NPRL3: variants seen among roughly 807,000 people sequenced by gnomAD.
NPRL3 encodes the protein GATOR1 complex protein NPRL3.
In NPRL3, 23 loss-of-function variants were observed where a neutral mutation model predicts 57.2. The ratio of observed to expected loss-of-function variants is 0.40; its 90% CI spans 0.29 to 0.57. The LOEUF (loss-of-function observed/expected upper bound fraction) is 0.57. Ranked by LOEUF, NPRL3 falls within the 20% of genes least tolerant of loss-of-function variation. NPRL3 has a pLI of 0.42. For synonymous variants in NPRL3, 333 were observed against 321.1 expected, an observed-to-expected ratio of 1.04 and a Z score of -0.39; for missense variants, 691 against 767.1, an observed-to-expected ratio of 0.90 and a Z score of 1.17.
At chr16:109,072 G>A (rs1899663915) in intron 7 of NPRL3, among the ~76,000 whole-genome samples, 1 of 151,560 alleles carries the variant, frequency 6.6e-6, no homozygotes, top group South Asian at 2.1e-4. Context: ...AGGCTTAAGT[G>A]ACCCTCCCAC....
intron 7 of NPRL3, among the ~76,000 whole-genome samples, chr16:105,588 C>T (rs1899491215): frequency 6.6e-6 from 1 of 152,224 alleles, no homozygotes; most frequent in Admixed American, 6.5e-5. Context: ...CACCAAGTAC[C>T]ACCTACCCAG....
chr16:103,795 A>G (rs1239708429), intron 7 of NPRL3, among the ~76,000 whole-genome samples: 1 of 152,120 alleles, frequency 6.6e-6, no homozygotes, highest in African/African-American at 2.4e-5. Context: ...CCTGGCCAAC[A>G]TGGTGAAACC....
intron 2 of NPRL3, among the ~76,000 whole-genome samples, chr16:134,299 A>T (rs1301472706): frequency 6.6e-6 from 1 of 152,192 alleles, no homozygotes; most frequent in Non-Finnish European, 1.5e-5. Flanking sequence ...CAAAATAAAA[A>T]AAATTTAAAT....
intron 2 of NPRL3, among the ~76,000 whole-genome samples, chr16:134,496 G>C (rs1900961525): frequency 6.6e-6 from 1 of 152,076 alleles, no homozygotes; most frequent in Non-Finnish European, 1.5e-5. Context: ...TCAACATAAA[G>C]ATGCTTTTTC....
At chr16:103,504 A>G (rs1899400584) in intron 7 of NPRL3, among the ~76,000 whole-genome samples, 2 of 151,820 alleles carry the variant, frequency 1.3e-5, no homozygotes, top group Non-Finnish European at 2.9e-5. Flanking sequence ...ACACCACAGA[A>G]TCAGAATACG....
intron 2 of NPRL3, among the ~76,000 whole-genome samples, chr16:134,994 C>A (rs544776721): frequency 3.3e-5 from 5 of 152,236 alleles, no homozygotes; most frequent in African/African-American, 9.6e-5. Context: ...AGCCACCGCG[C>A]CCGGCCAAGT....
intron 12 of NPRL3, 139 bp downstream of exon 12, chr16:89,574 G>A (rs1191306240): frequency 6.5e-6 from 5 of 764,810 alleles, no homozygotes; most frequent in South Asian, 2.3e-5. Context: ...GTCTCCACGG[G>A]GGACACGAGG....
intron 3 of NPRL3, among the ~76,000 whole-genome samples, chr16:120,718 G>A (rs778634895): frequency 2.0e-5 from 3 of 152,246 alleles, no homozygotes; most frequent in African/African-American, 4.8e-5. Flanking sequence ...CCTGGGAAAC[G>A]CAGGACCCAC....
intron 3 of NPRL3, chr16:125,984 A>C (rs894988828): frequency 1.3e-5 from 2 of 152,228 alleles, no homozygotes; most frequent in African/African-American, 4.8e-5. Context: ...GCCTAGGCCC[A>C]AGTGCAGCCA....
intron 3 of NPRL3, among the ~76,000 whole-genome samples, chr16:129,253 A>G (rs1900682545): frequency 1.3e-5 from 2 of 152,150 alleles, no homozygotes; most frequent in African/African-American, 4.8e-5. Context: ...CTCTAAGCTG[A>G]TCTGTGGCAC....
At chr16:92,572 G>C (rs761146584) in intron 11 of NPRL3, 24 bp downstream of exon 11, 27 of 1,610,340 alleles carry the variant, frequency 1.7e-5, no homozygotes, top group Middle Eastern at 1.6e-4. Context: ...GCCACTCTGG[G>C]CTCCTTGAGC....
At chr16:131,915 T>C (rs181391542) in intron 2 of NPRL3, among the ~76,000 whole-genome samples, 217 of 152,300 alleles carry the variant, frequency 1.4e-3, no homozygotes, top group African/African-American at 5.0e-3. Context: ...ACTAAGTTTA[T>C]ATAATATTCG....
At chr16:89,304 G>GCCTGGGGACCGGGGA (rs973048237) in intron 12 of NPRL3, 2 of 263,132 alleles carry the variant, frequency 7.6e-6, no homozygotes, top group African/African-American at 4.4e-5. Flanking sequence ...CCTTCCCCAA[G>GCCTGGGGACCGGGGA]CCTGGGGACC....
chr16:106,315 C>CAAAT (rs111453355), intron 7 of NPRL3, among the ~76,000 whole-genome samples: 3,905 of 150,748 alleles, frequency 0.026, 74 homozygotes, highest in African/African-American at 0.037. Context: ...CTCAAACAAA[C>CAAAT]AAATAAATAA....
At chr16:106,826 A>T (rs375871007) in intron 7 of NPRL3, among the ~76,000 whole-genome samples, 1 of 152,090 alleles carries the variant, frequency 6.6e-6, no homozygotes, top group African/African-American at 2.4e-5. Context: ...ATGGAAACTC[A>T]GTCTCCTCCT....
At chr16:123,527 G>A (rs773659060) in intron 3 of NPRL3, 5 of 470,988 alleles carry the variant, frequency 1.1e-5, no homozygotes, top group African/African-American at 2.0e-5. Context: ...ATTGCTCATC[G>A]GTTGGAGGAC....
chr16:94,560 G>A lies in NPRL3; in HGVS notation c.925-1235C>T, dbSNP rs114428109. Among the ~76,000 whole-genome samples the A allele has an allele frequency of 5.1e-3, 783 of 152,264 alleles. 8 individuals carry two copies. Among genetic ancestry groups the A allele is most frequent in the African/African-American group, 0.018 (746 of 41,544 alleles). On this transcript the variant is annotated intron_variant, in intron 9 of 13. Coordinates refer to ENST00000611875, the MANE Select transcript of NPRL3 (RefSeq NM_001077350.3). ...ACCTCGGAGTTCGAGACCAACCTGG[G>A]CAATATAGTGAGACCCTCATCTCTG...
chr16:130,924 C>T (rs542985872), intron 2 of NPRL3, among the ~76,000 whole-genome samples: 2 of 152,328 alleles, frequency 1.3e-5, no homozygotes, highest in African/African-American at 2.4e-5. Context: ...TTTCAGTTTA[C>T]GTGCTGAAAA....
chr16:92,644 C>T lies in NPRL3; in HGVS notation c.1113G>A (p.Pro371=), dbSNP rs148130584. ...GATTCCTAAATTCTGACAAGGAGAC[C>T]GGCAAGGAGAACTTGGCAAGAACGG... ...LPSVLAKFSL[P]VSLSEFRNPL... The change falls in exon 11 of 14, where the codon CCG becomes CCA. Residue 371 remains proline (P), a synonymous_variant. Coordinates refer to ENST00000611875, the MANE Select transcript of NPRL3 (RefSeq NM_001077350.3). The T allele has an allele frequency of 1.6e-5, 26 of 1,613,668 alleles. No individual in the cohort carries two copies. The highest frequency in any genetic ancestry group is 3.3e-5 in the Admixed American group (2 of 59,986).
Sources: allele counts gnomAD v4.1 joint callset (sites outside exome capture counted in the v4.1 genomes callset), GRCh38; gene constraint gnomAD v4.1.1; transcripts MANE v1.5; gene names NCBI Gene and HGNC (gene_info 2026-07-23, HGNC 2026-07-21).